The following THSD7B variants were observed in gnomAD, a reference collection of about 807,000 sequenced individuals.
THSD7B encodes the protein thrombospondin type 1 domain containing 7B.
Under a neutral mutation model 213.6 loss-of-function variants are expected in THSD7B, and 138 were observed. The observed-to-expected ratio is 0.65, with a 90% confidence interval of 0.56 to 0.74. The LOEUF is 0.74. Ranked by LOEUF, THSD7B falls within the 30% of genes least tolerant of loss-of-function variation. THSD7B has a pLI of 0.00. For synonymous variants in THSD7B, 742 were observed against 687.0 expected, an observed-to-expected ratio of 1.08 and a Z score of -1.25; for missense variants, 1,931 against 1,991.5, an observed-to-expected ratio of 0.97 and a Z score of 0.58.
chr2:137,619,757 G>C (rs961859148), intron 19 of THSD7B, among the ~76,000 whole-genome samples: 2 of 152,070 alleles, frequency 1.3e-5, no homozygotes, highest in African/African-American at 4.8e-5. Context: ...CCAGTTTAAA[G>C]CAATCTCAAA....
chr2:137,000,308 T>C (rs1174049928), intron 2 of THSD7B, among the ~76,000 whole-genome samples: 3 of 152,182 alleles, frequency 2.0e-5, no homozygotes, highest in East Asian at 1.9e-4. Context: ...CTAGAAATTG[T>C]AGATTTCCTA....
chr2:137,489,275 A>T (rs1045921771), intron 15 of THSD7B, among the ~76,000 whole-genome samples: 8 of 151,954 alleles, frequency 5.3e-5, no homozygotes, highest in African/African-American at 1.9e-4. Context: ...AATACAAAAA[A>T]TTAGCCGGGC....
At chr2:137,055,171 C>T (rs1010663558) in intron 2 of THSD7B, among the ~76,000 whole-genome samples, 7 of 152,102 alleles carry the variant, frequency 4.6e-5, no homozygotes, top group African/African-American at 1.4e-4. Context: ...TTTCTTTATC[C>T]GGTCTATAAT....
rs560745687 is a variant in THSD7B at position 137,015,239 on chromosome 2, T to A, written c.140-41181T>A. On this transcript the variant is annotated intron_variant, in intron 2 of 27. Transcript: ENST00000409968. ...TAGAGGACACGTGTCTCATTCTAAATGCCAGTTATCCAAGAAATATGGCCT... is the reference window on the plus strand; with the variant it reads ...TAGAGGACACGTGTCTCATTCTAAAAGCCAGTTATCCAAGAAATATGGCCT... Among the ~76,000 whole-genome samples, 3 of 152,288 alleles carry A rather than the reference T, an allele frequency of 2.0e-5. No homozygotes were observed. In the South Asian group the frequency reaches 6.2e-4, roughly 32 times the overall value.
chr2:137,479,432 G>T, intron 15 of THSD7B: 1 of 341,984 alleles, frequency 2.9e-6, no homozygotes. Context: ...GCAGGTGCTG[G>T]CTGTGGCAGA....
chr2:137,350,890 G>A (rs980080612), intron 12 of THSD7B, among the ~76,000 whole-genome samples: 2 of 151,938 alleles, frequency 1.3e-5, no homozygotes, highest in Non-Finnish European at 2.9e-5. Context: ...GCACAGCATT[G>A]ATGGTGATGC....
intron 5 of THSD7B, among the ~76,000 whole-genome samples, chr2:137,152,571 G>T (rs1235394968): frequency 6.6e-6 from 1 of 152,192 alleles, no homozygotes; most frequent in Non-Finnish European, 1.5e-5. Context: ...GTTGTGATGA[G>T]TAAATGAGAA....
intron 10 of THSD7B, among the ~76,000 whole-genome samples, chr2:137,268,944 C>G (rs1443248106): frequency 1.3e-5 from 2 of 152,056 alleles, no homozygotes; most frequent in Non-Finnish European, 2.9e-5. Context: ...ATAGGTTTGG[C>G]CATAATTTGA....
intron 15 of THSD7B, among the ~76,000 whole-genome samples, chr2:137,461,548 C>T (rs905903029): frequency 5.3e-5 from 8 of 151,968 alleles, no homozygotes; most frequent in African/African-American, 9.7e-5. Context: ...CCAAAATAAC[C>T]ATCATAACCA....
rs145654120 is a variant in THSD7B, at chr2:137,366,135, G to A, written c.2501-39478G>A. On this transcript the variant is annotated intron_variant, in intron 12 of 27. Coordinates refer to ENST00000409968, the MANE Select transcript of THSD7B (RefSeq NM_001316349.2). Reference sequence around the variant, plus strand: ...AAACCATCATTCTGAGCAAACTATCGCAAGGACAGAAACCCAAACACCACA... The same window carrying A: ...AAACCATCATTCTGAGCAAACTATCACAAGGACAGAAACCCAAACACCACA... Among the ~76,000 whole-genome samples the A allele has an allele frequency of 2.8e-4, 42 of 152,160 alleles. 1 individual carries two copies. The East Asian group carries it at 3.3e-3, about 12-fold the overall frequency.
intron 1 of THSD7B, among the ~76,000 whole-genome samples, chr2:136,790,398 C>T (rs1314043033): frequency 6.6e-6 from 1 of 152,020 alleles, no homozygotes; most frequent in Non-Finnish European, 1.5e-5. Flanking sequence ...GATTTCAATT[C>T]TATAAAAAAT....
chr2:137,196,632 G>T (rs764944322), intron 7 of THSD7B, among the ~76,000 whole-genome samples: 7 of 152,006 alleles, frequency 4.6e-5, no homozygotes, highest in Non-Finnish European at 1.0e-4. Flanking sequence ...CATGTGGGTG[G>T]CTGAGACAGT....
chr2:136,827,554 G>C (rs1682668308), intron 1 of THSD7B, among the ~76,000 whole-genome samples: 1 of 152,140 alleles, frequency 6.6e-6, no homozygotes. Context: ...GTTTAGTGAA[G>C]GTTGAAAATG....
intron 15 of THSD7B, among the ~76,000 whole-genome samples, chr2:137,497,979 T>TAGGG (rs1679611168): frequency 6.6e-6 from 1 of 152,192 alleles, no homozygotes; most frequent in Non-Finnish European, 1.5e-5. Flanking sequence ...GATCATTTAC[T>TAGGG]TTCCTCACAA....
chr2:137,519,127 C>G (rs1195892718), intron 15 of THSD7B, among the ~76,000 whole-genome samples: 1 of 152,032 alleles, frequency 6.6e-6, no homozygotes, highest in Non-Finnish European at 1.5e-5. Context: ...TGGCGTGCGC[C>G]TATAGTCCCA....
intron 2 of THSD7B, among the ~76,000 whole-genome samples, chr2:136,899,618 G>A (rs1195956280): frequency 1.3e-5 from 2 of 152,176 alleles, no homozygotes; most frequent in East Asian, 3.9e-4. Context: ...ATTTTAATGG[G>A]TTTATGTTAC....
At chr2:137,276,552 T>A (rs560913629) in intron 12 of THSD7B, among the ~76,000 whole-genome samples, 21 of 152,244 alleles carry the variant, frequency 1.4e-4, no homozygotes, top group East Asian at 9.7e-4. Flanking sequence ...GACATATGAA[T>A]AAGCTTCTGG....
chr2:136,836,346 A>T (rs2104951605), intron 1 of THSD7B, among the ~76,000 whole-genome samples: 1 of 152,256 alleles, frequency 6.6e-6, no homozygotes, highest in East Asian at 1.9e-4. Flanking sequence ...CTGTTTCCAT[A>T]CTTGAGAAGA....
At chr2:137,481,397 A>G (rs1688304216) in intron 15 of THSD7B, among the ~76,000 whole-genome samples, 1 of 152,202 alleles carries the variant, frequency 6.6e-6, no homozygotes, top group Non-Finnish European at 1.5e-5. Context: ...TGGGCATTAG[A>G]TAAGGTTATT....
Sources: allele counts gnomAD v4.1 joint callset (sites outside exome capture counted in the v4.1 genomes callset), GRCh38; gene constraint gnomAD v4.1.1; transcripts MANE v1.5; gene names NCBI Gene and HGNC (gene_info 2026-07-23, HGNC 2026-07-21).